The following SLC19A1 variants were observed in gnomAD, a reference collection of about 807,000 sequenced individuals.
SLC19A1 encodes the protein solute carrier family 19 member 1, also known as reduced folate transporter.
SLC19A1 carries 37 observed loss-of-function variants against 35.3 expected under a neutral mutation model. That is an observed-to-expected ratio of 1.05 (90% CI 0.81 to 1.38). SLC19A1 has a LOEUF of 1.38. Among genes scored for constraint, SLC19A1 ranks in the 40% most tolerant of loss-of-function variants. The pLI is 0.00. For synonymous variants in SLC19A1, 460 were observed against 398.5 expected (o/e 1.15, Z -1.84); for missense variants, 831 against 826.9 (o/e 1.00, Z -0.06).
downstream of SLC19A1, chr21:45,509,652 G>A (rs1025307354): frequency 3.6e-5 from 35 of 983,714 alleles, no homozygotes; most frequent in East Asian, 5.2e-5. Flanking sequence ...CTCGGCTCTC[G>A]GCAGCAGAAG....
At chr21:45,557,484 C>T (rs552331176) in intron 1 of SLC19A1, among the ~76,000 whole-genome samples, 3 of 152,310 alleles carry the variant, frequency 2.0e-5, no homozygotes, top group Non-Finnish European at 4.4e-5. Context: ...GACGGTTGGG[C>T]CCGGAGGCTG....
intron 3 of SLC19A1, chr21:45,505,006 G>A: frequency 8.3e-7 from 1 of 1,211,010 alleles, no homozygotes; most frequent in Non-Finnish European, 1.2e-6. Context: ...GGCGTGGGCA[G>A]GGAGGGGACC....
chr21:45,552,870 G>A (rs1163706551), intron 1 of SLC19A1, among the ~76,000 whole-genome samples: 2 of 145,534 alleles, frequency 1.4e-5, no homozygotes, highest in East Asian at 4.2e-4. Context: ...AACACACGAC[G>A]GCTGTGTGCT....
At chr21:45,529,796 TGTGA>T (rs765594427) in intron 4 of SLC19A1, among the ~76,000 whole-genome samples, 38 of 143,590 alleles carry the variant, frequency 2.6e-4, no homozygotes, top group Admixed American at 1.1e-3. Context: ...TGTATCCATC[TGTGA>T]GTGTGTGGTG....
chr21:45,562,031 T>C (rs929294752), intron 1 of SLC19A1, among the ~76,000 whole-genome samples: 1 of 148,210 alleles, frequency 6.7e-6, no homozygotes, highest in East Asian at 2.0e-4. Flanking sequence ...TTCAGGAGGC[T>C]GAGGCAGGAG....
chr21:45,561,904 G>A (rs986327439), intron 1 of SLC19A1, among the ~76,000 whole-genome samples: 3 of 151,898 alleles, frequency 2.0e-5, no homozygotes, highest in Admixed American at 6.5e-5. Flanking sequence ...AGGCCAAGGC[G>A]GGCAGACCAC....
At chr21:45,510,863 G>C (rs893188055), downstream of SLC19A1, among the ~76,000 whole-genome samples, 1 of 152,038 alleles carries the variant, frequency 6.6e-6, no homozygotes, top group Non-Finnish European at 1.5e-5. Flanking sequence ...GAGGCTGCCT[G>C]GCCAGGCCTG....
At position 45,538,877 on chromosome 21, in the gene SLC19A1, G is replaced by A. The variant is rs556840276; in HGVS notation, c.-49-869C>T. ...TGCACCCAACCTTGGGGACCATCCC[G>A]CCAGCACCCCCGCCCCACACGGCCA... On this transcript the variant is annotated intron_variant, in intron 1 of 5. Coordinates refer to ENST00000311124, the MANE Select transcript of SLC19A1 (RefSeq NM_194255.4). Among the ~76,000 whole-genome samples the A allele has an allele frequency of 8.5e-5, 13 of 152,208 alleles. No homozygotes were observed. The South Asian group carries it at 1.2e-3, about 15-fold the overall frequency.
intron 5 of SLC19A1, among the ~76,000 whole-genome samples, chr21:45,522,981 G>A (rs374525714): frequency 1.8e-4 from 28 of 152,226 alleles, no homozygotes; most frequent in Admixed American, 1.2e-3. Context: ...AACTGGGTAC[G>A]GGGTACATGG....
chr21:45,530,340 T>C lies in SLC19A1; in HGVS notation c.1151+430A>G, dbSNP rs1043283370. On this transcript the variant is annotated intron_variant, in intron 4 of 5. Coordinates refer to ENST00000311124, the MANE Select transcript of SLC19A1 (RefSeq NM_194255.4). This position sits in a 1 kb window ranked among gnomAD's most constrained non-coding sequence, Gnocchi z 5.3. Reference sequence around the variant, plus strand: ...TGAGTGTGTGGTGAGTGTCCATCTGTGCGCATGTGGTGTGTTCATGAGTGT... The same window carrying C: ...TGAGTGTGTGGTGAGTGTCCATCTGCGCGCATGTGGTGTGTTCATGAGTGT... Among the ~76,000 whole-genome samples, 3 of 106,806 alleles carry C rather than the reference T, an allele frequency of 2.8e-5. No homozygotes were observed. Among genetic ancestry groups the C allele is most frequent in the African/African-American group, 1.0e-4 (3 of 29,848 alleles). The allele number at this position is 106,806 out of a possible 152,430, so 70.1% of individuals were successfully genotyped here. A position where few individuals can be genotyped will look rare whatever the true frequency, so the allele number is the denominator to read the frequency against.
At chr21:45,507,571 G>A (rs779505082), downstream of SLC19A1, 38 of 1,612,908 alleles carry the variant, frequency 2.4e-5, no homozygotes, top group South Asian at 3.1e-4. Context: ...CTGGAGGCCC[G>A]GACACCACTC....
chr21:45,505,701 G>GGGCTCCT, intron 3 of SLC19A1: 2 of 750,396 alleles, frequency 2.7e-6, no homozygotes, highest in Admixed American at 2.1e-5. Context: ...GGTGCTCATG[G>GGGCTCCT]GGGCAGCCGC....
At chr21:45,508,493 G>A (rs2037382422), downstream of SLC19A1, among the ~76,000 whole-genome samples, 1 of 151,740 alleles carries the variant, frequency 6.6e-6, no homozygotes, top group African/African-American at 2.4e-5. Context: ...ATGGGTGGGT[G>A]GATGGATGGT....
Position 45,530,514 on chromosome 21 carries a change from G to A in SLC19A1, c.1151+256C>T, listed in dbSNP as rs546100203. Among the ~76,000 whole-genome samples the A allele has an allele frequency of 3.3e-5, 5 of 152,160 alleles. No homozygotes were observed. The South Asian group carries it at 1.0e-3, about 31-fold the overall frequency. ...CGGGGCCTAGAGGGTGGGGTTGGGA[G>A]CAGGGCAAGGCTGTGAGCCCAGCAG... is the stretch of plus-strand genomic sequence containing the variant. On this transcript the variant is annotated intron_variant, in intron 4 of 5. Transcript: ENST00000311124. This position sits in a 1 kb window ranked among gnomAD's most constrained non-coding sequence, Gnocchi z 5.3.
At chr21:45,512,467 G>GCGGC (rs2037669268), downstream of SLC19A1, 1 of 1,499,392 alleles carries the variant, frequency 6.7e-7, no homozygotes, top group South Asian at 1.2e-5. Context: ...TGGGCAGGGA[G>GCGGC]CGGCCGGCCA....
intron 3 of SLC19A1, chr21:45,507,212 G>A (rs1330379341): frequency 3.0e-6 from 1 of 332,332 alleles, no homozygotes; most frequent in African/African-American, 2.6e-5. Context: ...CCCTCCTGTG[G>A]GCTGGGAGGG....
intron 1 of SLC19A1, among the ~76,000 whole-genome samples, chr21:45,555,180 G>C (rs1373674147): frequency 8.7e-5 from 5 of 57,342 alleles, no homozygotes; most frequent in East Asian, 7.2e-4. Flanking sequence ...GCAGGGGGCG[G>C]TGCAGGGGGC....
At chr21:45,512,169 G>A (rs375548267), downstream of SLC19A1, 483 of 1,605,228 alleles carry the variant, frequency 3.0e-4, 2 homozygotes, top group South Asian at 1.5e-3. Flanking sequence ...TTTGACTGAC[G>A]GCCCGGCGCG....
Position 45,531,427 on chromosome 21 carries a change from A to G in SLC19A1, c.911T>C (p.Val304Ala). The change falls in exon 3 of 6, where the codon GTC becomes GCC. Residue 304 changes from valine to alanine, a missense_variant. Coordinates refer to ENST00000311124, the MANE Select transcript of SLC19A1 (RefSeq NM_194255.4). ...EVDPTTNSAR[V>A]YNGAADAAST... is the part of the protein sequence containing the mutation. ...GGCAGCATCTGCCGCGCCGTTGTAGACCCGCGCACTGTTGGTGGTGGGGTC... is the reference window on the plus strand; with the variant it reads ...GGCAGCATCTGCCGCGCCGTTGTAGGCCCGCGCACTGTTGGTGGTGGGGTC... 6.2e-7 allele frequency: 1 copy of G among 1,606,680 alleles called. No homozygotes were observed. Among genetic ancestry groups the G allele is most frequent in the East Asian group, 2.2e-5 (1 of 44,822 alleles).
Sources: gnomAD v4.1 joint callset for allele counts (sites outside exome capture counted in the v4.1 genomes callset) on GRCh38, gnomAD v4.1.1 for gene constraint, Gnocchi (gnomAD v3.1) non-coding constraint, MANE v1.5 for transcripts, NCBI Gene and HGNC (gene_info 2026-07-23, HGNC 2026-07-21) for gene names.